The following SDR42E2 variants were observed in gnomAD, a reference collection of about 807,000 sequenced individuals.
The protein encoded by SDR42E2 is short chain dehydrogenase/reductase family 42E, member 2, also known as putative short-chain dehydrogenase/reductase family 42E member 2.
SDR42E2 carries 20 observed loss-of-function variants against 10.5 expected under a neutral mutation model. The ratio of observed to expected loss-of-function variants is 1.90; its 90% CI spans 1.34 to 2.77. SDR42E2 has a LOEUF of 2.77. Among genes scored for constraint, SDR42E2 ranks in the 30% most tolerant of loss-of-function variants. The pLI is 0.00. For synonymous variants in SDR42E2, 72 were observed against 39.2 expected (o/e 1.84, Z -3.12); for missense variants, 162 against 104.2 (o/e 1.55, Z -2.42).
At chr16:22,173,345 G>A (rs943808166) in intron 7 of SDR42E2, among the ~76,000 whole-genome samples, 7 of 151,882 alleles carry the variant, frequency 4.6e-5, no homozygotes, top group East Asian at 1.9e-4. Context: ...TCGGCCTCCC[G>A]AATAGCTGGG....
chr16:22,175,762 G>A (rs2046639709), intron 7 of SDR42E2, among the ~76,000 whole-genome samples: 1 of 152,096 alleles, frequency 6.6e-6, no homozygotes, highest in South Asian at 2.1e-4. Flanking sequence ...GGAGGCTGAG[G>A]TGGGTGGATC....
At chr16:22,178,979 A>T (rs74843324) in intron 8 of SDR42E2, among the ~76,000 whole-genome samples, 1 of 151,946 alleles carries the variant, frequency 6.6e-6, no homozygotes, top group Non-Finnish European at 1.5e-5. Context: ...GTTTCAGAAC[A>T]TTCCTCTGCT....
Position 22,172,272 on chromosome 16 carries a change from C to G in SDR42E2, c.530C>G (p.Ser177Cys). ...FPLDEHVDHYSRTKAIADQLT... is the reference protein window; with the variant it reads ...FPLDEHVDHYCRTKAIADQLT... ...CTCTGGCAGCACGTAGACCACTACT[C>G]CCGAACCAAAGCCATCGCCGACCAA... The change falls in exon 7 of 13, where the codon TCC (serine) becomes TGC (cysteine). Residue 177 changes from serine to cysteine, a missense_variant. By Grantham distance (112) the Ser-to-Cys change is moderately radical. Transcript: ENST00000602312. The G allele has an allele frequency of 1.4e-6, 1 of 703,146 alleles. No homozygotes were observed. The allele number at this position is 703,146 out of a possible 1,614,324, so 43.6% of individuals were successfully genotyped here.
rs1040098788 is a variant in SDR42E2, at chr16:22,178,114, C to T, written c.590-16C>T. 4 of 701,698 alleles carry T rather than the reference C, an allele frequency of 5.7e-6. No homozygotes were observed. The African/African-American group carries it at 7.0e-5, about 12-fold the overall frequency. 43.5% of individuals were successfully genotyped at this position (701,698 alleles called of 1,614,324 possible). A position where few individuals can be genotyped will look rare whatever the true frequency, so the allele number is the denominator to read the frequency against. On this transcript the variant is annotated splice_polypyrimidine_tract_variant and intron_variant, in intron 7 of 12. Coordinates refer to ENST00000602312, the MANE Select transcript of SDR42E2 (RefSeq NM_001394319.2). ...GCTCCTCCCCTGACCCCTGACCACG[C>T]TTCCCTGTGTGCTAGGAGGAGGCAC...
At chr16:22,162,615 C>G (rs1260810027) in intron 1 of SDR42E2, among the ~76,000 whole-genome samples, 51 bp downstream of exon 1, 3 of 152,164 alleles carry the variant, frequency 2.0e-5, no homozygotes, top group Non-Finnish European at 4.4e-5. Context: ...GCTGGAGGGA[C>G]AGGGAGGGTG....
intron 7 of SDR42E2, among the ~76,000 whole-genome samples, chr16:22,173,032 C>G (rs773658498): frequency 6.6e-6 from 1 of 152,078 alleles, no homozygotes; most frequent in Non-Finnish European, 1.5e-5. Flanking sequence ...CTTCCTGCCT[C>G]GAACTCCCAA....
chr16:22,174,691 G>T (rs2046630029), intron 7 of SDR42E2, among the ~76,000 whole-genome samples: 1 of 152,068 alleles, frequency 6.6e-6, no homozygotes, highest in Non-Finnish European at 1.5e-5. Context: ...CTGCCAGCCA[G>T]CCCAGTAGCC....
At chr16:22,166,851 C>T (rs2046544831) in intron 3 of SDR42E2, 53 bp from the exon 4 acceptor site, 2 of 566,296 alleles carry the variant, frequency 3.5e-6, no homozygotes, top group South Asian at 2.2e-5. Context: ...GAGGTGTTAT[C>T]TCTTGCCTTG....
chr16:22,179,537 T>C (rs1015960388), intron 8 of SDR42E2, among the ~76,000 whole-genome samples: 3 of 152,068 alleles, frequency 2.0e-5, no homozygotes, highest in African/African-American at 7.2e-5. Flanking sequence ...TCAGGCCAAG[T>C]GCGGTGGCTC....
intron 5 of SDR42E2, 47 bp downstream of exon 5, chr16:22,169,549 C>A (rs1326113647): frequency 1.4e-6 from 1 of 703,158 alleles, no homozygotes; most frequent in Non-Finnish European, 2.6e-6. Flanking sequence ...CTCCCCCTCT[C>A]TCCCTTCTCC....
intron 6 of SDR42E2, among the ~76,000 whole-genome samples, chr16:22,171,870 A>T (rs1011865563): frequency 6.6e-6 from 1 of 152,116 alleles, no homozygotes; most frequent in Non-Finnish European, 1.5e-5. Context: ...TAACACTATC[A>T]CCATGGGGTT....
intron 11 of SDR42E2, among the ~76,000 whole-genome samples, chr16:22,185,123 G>A (rs892468730): frequency 2.0e-5 from 3 of 152,108 alleles, no homozygotes; most frequent in East Asian, 1.9e-4. Flanking sequence ...CCGACAATGC[G>A]TCTTGGCTGC....
chr16:22,174,371 AACAG>A (rs999854608), intron 7 of SDR42E2, among the ~76,000 whole-genome samples: 5 of 151,978 alleles, frequency 3.3e-5, no homozygotes, highest in African/African-American at 9.7e-5. Context: ...CAGGTGAGAA[AACAG>A]ACAGATGAAC....
At chr16:22,165,330 C>A (rs1349765450) in intron 1 of SDR42E2, among the ~76,000 whole-genome samples, 1 of 152,106 alleles carries the variant, frequency 6.6e-6, no homozygotes. Context: ...TCAAGTGATC[C>A]GCCCACCTCA....
intron 12 of SDR42E2, among the ~76,000 whole-genome samples, chr16:22,187,602 C>CAAA (rs550730942): frequency 4.5e-4 from 53 of 118,646 alleles, no homozygotes; most frequent in African/African-American, 1.5e-3. Context: ...CCCTAAAAAC[C>CAAA]AAAAAAAAAA....
chr16:22,186,735 C>A lies in SDR42E2; in HGVS notation c.955C>A (p.Arg319Ser), dbSNP rs1190805252. Reference sequence around the variant, plus strand: ...CTTCCCTGCAGCAGCAGTTATGGAGCGCCTCCATCTGGCCCTGAGACCCAT... The same window carrying A: ...CTTCCCTGCAGCAGCAGTTATGGAGAGCCTCCATCTGGCCCTGAGACCCAT... ...WVYLTAAVMERLHLALRPICS... is the reference protein window; with the variant it reads ...WVYLTAAVMESLHLALRPICS... Residue 319 changes from arginine to serine, a missense_variant, in exon 12 of 13, where the codon CGC becomes AGC. By Grantham distance (110) the Arg-to-Ser change is moderately radical. Coordinates refer to ENST00000602312, the MANE Select transcript of SDR42E2 (RefSeq NM_001394319.2). 2.5e-6 allele frequency: 1 copy of A among 400,834 alleles called. No individual in the cohort carries two copies. Among genetic ancestry groups the A allele is most frequent in the Non-Finnish European group, 4.4e-6 (1 of 226,196 alleles). 24.8% of individuals were successfully genotyped at this position (400,834 alleles called of 1,614,324 possible).
chr16:22,175,040 G>A (rs578076206), intron 7 of SDR42E2, among the ~76,000 whole-genome samples: 1 of 152,170 alleles, frequency 6.6e-6, no homozygotes, highest in Non-Finnish European at 1.5e-5. Context: ...TGGGAGCAGA[G>A]TCCTGAGGCG....
Position 22,191,043 on chromosome 16 carries a change from T to C in SDR42E2, c.*650T>C, listed in dbSNP as rs75488422. The stretch of plus-strand genomic sequence containing the variant: ...TCACGCCTCTGTCCCGCCCCCTGAA[T>C]CTTTCCTACGTCCATGACCCTCCCT... On this transcript the variant is annotated 3_prime_UTR_variant, in exon 13 of 13. Coordinates refer to ENST00000602312, the MANE Select transcript of SDR42E2 (RefSeq NM_001394319.2). 1.3e-5 allele frequency: 2 copies of C among 153,974 alleles called. No homozygotes were observed. The highest frequency in any genetic ancestry group is 2.9e-5 in the Non-Finnish European group (2 of 68,870). 9.5% of individuals were successfully genotyped at this position (153,974 alleles called of 1,614,324 possible).
At chr16:22,185,757 C>T (rs1460158411) in intron 11 of SDR42E2, among the ~76,000 whole-genome samples, 3 of 152,062 alleles carry the variant, frequency 2.0e-5, no homozygotes, top group Non-Finnish European at 4.4e-5. Context: ...CAGGCTCCTA[C>T]CACCAGGCCC....
Sources: allele counts gnomAD v4.1 joint callset (sites outside exome capture counted in the v4.1 genomes callset), GRCh38; gene constraint gnomAD v4.1.1; transcripts MANE v1.5; gene names NCBI Gene and HGNC (gene_info 2026-07-23, HGNC 2026-07-21).